Variants in DGKG observed in about 807,000 individuals in gnomAD.
DGKG encodes diacylglycerol kinase gamma.
A neutral mutation model predicts 105.3 loss-of-function variants in DGKG; 78 were observed. That is an observed-to-expected ratio of 0.74 (90% CI 0.62 to 0.89). DGKG has a LOEUF of 0.89. Among genes scored for constraint, DGKG ranks in the 40% least tolerant of loss-of-function variants. The probability of loss-of-function intolerance (pLI) is 0.00; values close to 1 mark genes in which losing one functional copy is unlikely to be tolerated. For synonymous variants in DGKG, 346 were observed against 367.1 expected, an observed-to-expected ratio of 0.94 and a Z score of 0.66; for missense variants, 958 against 1,020.1, an observed-to-expected ratio of 0.94 and a Z score of 0.83.
At position 186,188,268 on chromosome 3, in the gene DGKG, G is replaced by A. The variant is rs762778462; in HGVS notation, c.2029C>T (p.Arg677Trp). Reference sequence around the variant, plus strand: ...TTCCTGCTTTCCCGGATCACAGCCCGGTTCTTCTTGTTTTCTCCCCAGAGA... The same window carrying A: ...TTCCTGCTTTCCCGGATCACAGCCCAGTTCTTCTTGTTTTCTCCCCAGAGA... The part of the protein sequence containing the change: ...TNLWGENKKN[R>W]AVIRESRKGV... The change falls in exon 22 of 25, where the codon CGG becomes TGG. Residue 677 changes from arginine (R) to tryptophan (W), a missense_variant. Physicochemically the swap from Arg to Trp is moderately radical, Grantham distance 101. Coordinates refer to ENST00000265022, the MANE Select transcript of DGKG (RefSeq NM_001346.3). 20 of 1,614,114 alleles carry A rather than the reference G, an allele frequency of 1.2e-5. No homozygotes were observed. Among genetic ancestry groups the A allele is most frequent in the East Asian group, 2.2e-5 (1 of 44,882 alleles).
At chr3:186,168,298 A>T (rs975645155) in intron 22 of DGKG, among the ~76,000 whole-genome samples, 1 of 152,200 alleles carries the variant, frequency 6.6e-6, no homozygotes, top group Non-Finnish European at 1.5e-5. Context: ...TAGGACTTTC[A>T]ATACTGCTCT....
At chr3:186,294,420 CA>C (rs920155849) in intron 5 of DGKG, among the ~76,000 whole-genome samples, 1 of 151,794 alleles carries the variant, frequency 6.6e-6, no homozygotes, top group African/African-American at 2.4e-5. Flanking sequence ...CCTGTAATCC[CA>C]GCTACTCAGG....
At chr3:186,225,802 T>G (rs542261377) in intron 20 of DGKG, among the ~76,000 whole-genome samples, 1 of 152,332 alleles carries the variant, frequency 6.6e-6, no homozygotes, top group East Asian at 1.9e-4. Context: ...CCTGGGAATT[T>G]CCCTGGACGA....
chr3:186,349,429 G>A (rs753882454), intron 1 of DGKG, among the ~76,000 whole-genome samples: 13 of 152,174 alleles, frequency 8.5e-5, no homozygotes, highest in Non-Finnish European at 1.8e-4. Flanking sequence ...AGCAGGCAAA[G>A]TTTCACAATC....
At chr3:186,299,821 C>CTTTCT (rs1449357272) in intron 3 of DGKG, among the ~76,000 whole-genome samples, 3 of 99,408 alleles carry the variant, frequency 3.0e-5, no homozygotes, top group African/African-American at 1.1e-4. Flanking sequence ...TTCTTTCTTT[C>CTTTCT]TTTCTTTCTT....
At chr3:186,199,092 CG>C (rs1165636649) in intron 21 of DGKG, among the ~76,000 whole-genome samples, 1 of 151,740 alleles carries the variant, frequency 6.6e-6, no homozygotes, top group African/African-American at 2.4e-5. Flanking sequence ...GGACTACAGG[CG>C]CATGCCACCA....
At chr3:186,164,575 T>G (rs1361305005) in intron 23 of DGKG, among the ~76,000 whole-genome samples, 1 of 152,218 alleles carries the variant, frequency 6.6e-6, no homozygotes, top group African/African-American at 2.4e-5. Flanking sequence ...TCTAACATTT[T>G]AATTTGCAAA....
intron 24 of DGKG, chr3:186,160,111 C>A: frequency 1.2e-6 from 1 of 814,494 alleles, no homozygotes; most frequent in Non-Finnish European, 1.5e-6. Context: ...GACGAATATA[C>A]CTTTACATAC....
intron 22 of DGKG, 136 bp from the exon 23 acceptor site, chr3:186,165,154 C>A: frequency 4.6e-6 from 4 of 871,762 alleles, no homozygotes; most frequent in Non-Finnish European, 6.8e-6. Flanking sequence ...TTCATATTCA[C>A]TCTGAATAGG....
chr3:186,359,982 T>A (rs1727151154), intron 1 of DGKG, among the ~76,000 whole-genome samples: 1 of 152,174 alleles, frequency 6.6e-6, no homozygotes, highest in Non-Finnish European at 1.5e-5. Context: ...TTTTCCCCCT[T>A]CTCTTCCAGG....
intron 1 of DGKG, among the ~76,000 whole-genome samples, chr3:186,352,135 TAGAG>T (rs537531030): frequency 6.8e-4 from 103 of 152,144 alleles, no homozygotes; most frequent in Non-Finnish European, 1.4e-3. Context: ...ACCACTAGCT[TAGAG>T]AGAAAGACCA....
intron 3 of DGKG, among the ~76,000 whole-genome samples, chr3:186,306,043 C>T (rs1724220257): frequency 6.6e-6 from 1 of 152,136 alleles, no homozygotes; most frequent in African/African-American, 2.4e-5. Flanking sequence ...GATGACTTGA[C>T]CAACCGTGTC....
intron 20 of DGKG, among the ~76,000 whole-genome samples, chr3:186,227,506 C>A (rs1161920127): frequency 6.6e-6 from 1 of 152,034 alleles, no homozygotes; most frequent in Admixed American, 6.6e-5. Context: ...ATGAGGGTGA[C>A]CACGACCTGG....
chr3:186,265,901 A>G (rs759939566), intron 13 of DGKG, among the ~76,000 whole-genome samples: 1 of 151,336 alleles, frequency 6.6e-6, no homozygotes, highest in Non-Finnish European at 1.5e-5. Flanking sequence ...CGATCCCTTG[A>G]CCTCGTGATC....
At chr3:186,345,450 A>T (rs1726284099) in intron 1 of DGKG, among the ~76,000 whole-genome samples, 2 of 151,980 alleles carry the variant, frequency 1.3e-5, no homozygotes, top group Admixed American at 1.3e-4. Flanking sequence ...ATGCTTCCTT[A>T]CTGTCTCCTT....
At chr3:186,297,066 T>TCACACACACACACACACACACACACA (rs1352673652) in intron 5 of DGKG, among the ~76,000 whole-genome samples, 2 of 123,680 alleles carry the variant, frequency 1.6e-5, no homozygotes, top group Non-Finnish European at 3.4e-5. Flanking sequence ...TGTCTGTCTC[T>TCACACACACACACACACACACACACA]CTCACACACA....
chr3:186,296,636 C>A (rs1723576881), intron 5 of DGKG, among the ~76,000 whole-genome samples: 1 of 152,228 alleles, frequency 6.6e-6, no homozygotes, highest in African/African-American at 2.4e-5. Context: ...TGCAGCCTTG[C>A]TCATTCCACA....
chr3:186,202,339 G>C (rs977731891), intron 21 of DGKG, among the ~76,000 whole-genome samples: 1 of 152,162 alleles, frequency 6.6e-6, no homozygotes, highest in African/African-American at 2.4e-5. Context: ...TGAAGACTAA[G>C]ATTAGTAAGT....
intron 20 of DGKG, among the ~76,000 whole-genome samples, chr3:186,241,183 A>G (rs1378145253): frequency 1.3e-5 from 2 of 152,288 alleles, no homozygotes; most frequent in East Asian, 3.9e-4. Context: ...CTGTGGGGTC[A>G]GGACAAAGAG....
Sources: gnomAD v4.1 joint callset for allele counts (sites outside exome capture counted in the v4.1 genomes callset) on GRCh38, gnomAD v4.1.1 for gene constraint, MANE v1.5 for transcripts, NCBI Gene and HGNC (gene_info 2026-07-23, HGNC 2026-07-21) for gene names.